VPS51: variants seen among roughly 807,000 people sequenced by gnomAD.
VPS51 encodes the protein VPS51 subunit of GARP complex.
Under a neutral mutation model 65.1 loss-of-function variants are expected in VPS51, and 55 were observed. The ratio of observed to expected loss-of-function variants is 0.84; its 90% CI spans 0.68 to 1.06. The LOEUF (loss-of-function observed/expected upper bound fraction) is 1.06, where lower values mean the gene tolerates loss of function less well. Among genes scored for constraint, VPS51 ranks in the 50% least tolerant of loss-of-function variants. The pLI is 0.00. For missense variants in VPS51, 943 were observed against 1,101.6 expected (o/e 0.86, Z 2.04); for synonymous variants, 473 against 489.5 (o/e 0.97, Z 0.44).
Position 65,111,733 on chromosome 11 carries a change from C to T in VPS51, c.*146C>T. ...CCTCTCGCTTGCTGGGCGGGCCTTT[C>T]CGGGGGCGGGGTTTTGAAGCTGAGG... On this transcript the variant is annotated 3_prime_UTR_variant, in exon 10 of 10. Transcript: ENST00000279281. 1 of 1,348,708 alleles carries T rather than the reference C, an allele frequency of 7.4e-7. No individual in the cohort carries two copies. The highest frequency in any genetic ancestry group is 2.5e-5 in the East Asian group (1 of 39,638). 83.5% of individuals were successfully genotyped at this position (1,348,708 alleles called of 1,614,324 possible).
At chr11:65,109,679 C>A in intron 6 of VPS51, 26 bp from the exon 7 acceptor site, 1 of 1,543,998 alleles carries the variant, frequency 6.5e-7, no homozygotes. Flanking sequence ...TACCCACTCC[C>A]TCTGTCCTCT....
chr11:65,104,989 A>G (rs1447323734), intron 2 of VPS51, among the ~76,000 whole-genome samples: 1 of 152,164 alleles, frequency 6.6e-6, no homozygotes, highest in Non-Finnish European at 1.5e-5. Context: ...GTAGCAAATT[A>G]TCCATTTCAT....
chr11:65,108,108 C>A, intron 4 of VPS51, 86 bp downstream of exon 4: 1 of 1,530,402 alleles, frequency 6.5e-7, no homozygotes, highest in Non-Finnish European at 8.7e-7. Context: ...TGGAGCTGTC[C>A]CCCTGCCCTG....
At chr11:65,097,339 G>A (rs1443820755) in intron 2 of VPS51, among the ~76,000 whole-genome samples, 1 of 152,166 alleles carries the variant, frequency 6.6e-6, no homozygotes, top group African/African-American at 2.4e-5. Flanking sequence ...AAGTACCAAA[G>A]GAGAGAAAAG....
In VPS51 at chr11:65,111,765, A is replaced by G; in HGVS notation, c.*178A>G. ...CGGGGTTTTGAAGCTGAGGCTTCTGAGGCGCCCGCGTCGGGTCCGCCCCCG... is the reference window on the plus strand; with the variant it reads ...CGGGGTTTTGAAGCTGAGGCTTCTGGGGCGCCCGCGTCGGGTCCGCCCCCG... On this transcript the variant is annotated 3_prime_UTR_variant, in exon 10 of 10. Transcript: ENST00000279281. 1 of 1,185,150 alleles carries G rather than the reference A, an allele frequency of 8.4e-7. No individual in the cohort carries two copies. Among genetic ancestry groups the G allele is most frequent in the Non-Finnish European group, 1.1e-6 (1 of 871,754 alleles). The allele number at this position is 1,185,150 out of a possible 1,614,324, so 73.4% of individuals were successfully genotyped here.
rs377381714 is a variant in VPS51 at position 65,096,952 on chromosome 11, A to C, written c.229-46A>C. On this transcript the variant is annotated intron_variant, in intron 1 of 9. Transcript: ENST00000279281. ...TATCAGCTGCAGGCAAGGCTGGGGG[A>C]CATGAATGCCTCCTGACCCGAACAC... The C allele has an allele frequency of 3.1e-6, 5 of 1,608,558 alleles. No individual in the cohort carries two copies. The Admixed American group carries it at 6.7e-5, about 21-fold the overall frequency.
At position 65,110,586 on chromosome 11, in the gene VPS51, C is replaced by T; in HGVS notation, c.1983C>T (p.Ala661=). The change falls in exon 8 of 10, where the codon GCC becomes GCT. Residue 661 remains alanine, a synonymous_variant. Transcript: ENST00000279281. ...GCTCTCGGCAGCAGGGCCGCTACGC[C>T]CCCAGCTATACCCCCAGGTCTGGCT... ...YSSSRQQGRY[A]PSYTPSAPMD... 1.2e-6 allele frequency: 2 copies of T among 1,614,046 alleles called. No individual in the cohort carries two copies. Among genetic ancestry groups the T allele is most frequent in the Non-Finnish European group, 8.5e-7 (1 of 1,180,024 alleles).
chr11:65,097,954 G>A (rs1947781951), intron 2 of VPS51, among the ~76,000 whole-genome samples: 1 of 152,204 alleles, frequency 6.6e-6, no homozygotes, highest in South Asian at 2.1e-4. Flanking sequence ...GGCCGAGGCA[G>A]GTGGATCACC....
At chr11:65,096,518 G>A (rs1455731531) in intron 1 of VPS51, 40 bp downstream of exon 1, 4 of 499,406 alleles carry the variant, frequency 8.0e-6, no homozygotes, top group Non-Finnish European at 1.1e-5. Flanking sequence ...GGGGAGGGGG[G>A]AAGGGAACCA....
Position 65,110,114 on chromosome 11 carries a change from G to A in VPS51, c.1878+191G>A, listed in dbSNP as rs1242580099. ...GAACCCCAGGGGAACAAGTCTCCAA[G>A]GATGAAGACCAAACGGGCTGGGGAG... On this transcript the variant is annotated intron_variant, in intron 7 of 9. Transcript: ENST00000279281. 4 of 676,270 alleles carry A rather than the reference G, an allele frequency of 5.9e-6. No individual in the cohort carries two copies. In the African/African-American group the frequency reaches 7.2e-5, roughly 12 times the overall value. 41.9% of individuals were successfully genotyped at this position (676,270 alleles called of 1,614,324 possible).
rs1947766344 is a variant in VPS51, at chr11:65,096,237, C to T, written c.-14C>T. 2.6e-6 allele frequency: 4 copies of T among 1,528,498 alleles called. No individual in the cohort carries two copies. The highest frequency in any genetic ancestry group is 3.5e-6 in the Non-Finnish European group (4 of 1,140,226). 94.7% of individuals were successfully genotyped at this position (1,528,498 alleles called of 1,614,324 possible). A position where few individuals can be genotyped will look rare whatever the true frequency, so the allele number is the denominator to read the frequency against. On this transcript the variant is annotated 5_prime_UTR_variant, in exon 1 of 10. Coordinates refer to ENST00000279281, the MANE Select transcript of VPS51 (RefSeq NM_013265.4). The stretch of plus-strand genomic sequence containing the variant: ...TCCTTTCCAGCCTCACGCCCGTGGG[C>T]TGCAGTTGGAACGATGGCGGCGGCA...
At chr11:65,109,592 G>A (rs1486744761) in intron 6 of VPS51, 97 bp downstream of exon 6, 2 of 1,531,192 alleles carry the variant, frequency 1.3e-6, no homozygotes, top group Admixed American at 1.9e-5. Context: ...CCAGCTGCCT[G>A]TGTGTACCCC....
chr11:65,107,956 G>A lies in VPS51; in HGVS notation c.659G>A (p.Arg220His), dbSNP rs373496992. ...CAGTACCAACACCTGCCCTCGTTCC[G>A]CGCCATCCAGGACGACTGCCAGGTC... ...LQQYQHLPSF[R>H]AIQDDCQVIT... Residue 220 changes from arginine (R) to histidine (H), a missense_variant, in exon 4 of 10, where the codon CGC becomes CAC. By Grantham distance (29) the Arg-to-His change is conservative. This residue lies in a region of VPS51 where 855 missense variants were observed against 953.7 expected (regional missense o/e 0.90). Coordinates refer to ENST00000279281, the MANE Select transcript of VPS51 (RefSeq NM_013265.4). The surrounding 1 kb of genome is among the most constrained non-coding windows in gnomAD (Gnocchi z 4.0). The A allele has an allele frequency of 7.0e-5, 109 of 1,567,284 alleles. No homozygotes were observed. Among genetic ancestry groups the A allele is most frequent in the Middle Eastern group, 3.5e-4 (2 of 5,760 alleles).
rs985340822 is a variant in VPS51 at position 65,107,600 on chromosome 11, G to T, written c.378G>T (p.Lys126Asn). ...ISATDTIRKMKNDFRKMEDEM... is the reference protein window; with the variant it reads ...ISATDTIRKMNNDFRKMEDEM... ...TCCTAGACACCATCCGGAAGATGAA[G>T]AACGATTTCCGGAAGATGGAGGATG... Residue 126 changes from lysine to asparagine, a missense_variant, in exon 3 of 10, where the codon AAG (lysine) becomes AAT (asparagine). This residue lies in a region of VPS51 where 855 missense variants were observed against 953.7 expected (regional missense o/e 0.90). Transcript: ENST00000279281. This position sits in a 1 kb window ranked among gnomAD's most constrained non-coding sequence, Gnocchi z 4.0. The T allele has an allele frequency of 6.3e-7, 1 of 1,595,092 alleles. No individual in the cohort carries two copies. The highest frequency in any genetic ancestry group is 1.3e-5 in the African/African-American group (1 of 74,610).
rs142353839 is a variant in VPS51 at position 65,108,113 on chromosome 11, G to T, written c.726-84G>T. The T allele has an allele frequency of 2.7e-3, 4,138 of 1,537,170 alleles. 100 individuals are homozygous for T. In the African/African-American group the frequency reaches 0.047, roughly 18 times the overall value. On this transcript the variant is annotated intron_variant, in intron 4 of 9. Coordinates refer to ENST00000279281, the MANE Select transcript of VPS51 (RefSeq NM_013265.4). ...TGGGCCCTCCTGGAGCTGTCCCCCT[G>T]CCCTGTGTGTGCTTTGCTTTCCTGC...
At chr11:65,104,495 A>G (rs948217901) in intron 2 of VPS51, among the ~76,000 whole-genome samples, 3 of 152,250 alleles carry the variant, frequency 2.0e-5, no homozygotes, top group Non-Finnish European at 2.9e-5. Flanking sequence ...TTAAAAATCA[A>G]GAATAGATGT....
chr11:65,102,506 G>A (rs79798718), intron 2 of VPS51, among the ~76,000 whole-genome samples: 1 of 152,164 alleles, frequency 6.6e-6, no homozygotes, highest in East Asian at 1.9e-4. Flanking sequence ...TAACAACTTA[G>A]TGTTTGGATT....
intron 2 of VPS51, among the ~76,000 whole-genome samples, chr11:65,102,017 C>CTTTTTT (rs990847395): frequency 3.3e-5 from 4 of 121,906 alleles, no homozygotes; most frequent in African/African-American, 6.4e-5. Context: ...TCTTAACAAG[C>CTTTTTT]TTTTTTTTTT....
rs571448656 is a variant in VPS51 at position 65,109,828 on chromosome 11, G to A, written c.1783G>A (p.Val595Met). Residue 595 changes from valine to methionine, a missense_variant, in exon 7 of 10, where the codon GTG (valine) becomes ATG (methionine). Physicochemically the swap from Val to Met is conservative, Grantham distance 21 (BLOSUM62 1). This residue lies in a region of VPS51 where 855 missense variants were observed against 953.7 expected (regional missense o/e 0.90). Transcript: ENST00000279281. ...CATATCACAGATGCTGCGCAAGAGC[G>A]TGGAGACTCGCGACTGGCTCAGCAC... ...LVISQMLRKS[V>M]ETRDWLSTLE... The A allele has an allele frequency of 1.1e-5, 18 of 1,611,780 alleles. No individual in the cohort carries two copies. The highest frequency in any genetic ancestry group is 4.0e-5 in the African/African-American group (3 of 75,066).
Sources: allele counts gnomAD v4.1 joint callset (sites outside exome capture counted in the v4.1 genomes callset), GRCh38; gene constraint gnomAD v4.1.1; regional missense constraint gnomAD v4.1.1; non-coding constraint Gnocchi (gnomAD v3.1); transcripts MANE v1.5; gene names NCBI Gene and HGNC (gene_info 2026-07-23, HGNC 2026-07-21).